The following PCSK5 variants were observed in gnomAD, a reference collection of about 807,000 sequenced individuals.
PCSK5 encodes the protein proprotein convertase subtilisin/kexin type 5.
In PCSK5, 129 loss-of-function variants were observed where a neutral mutation model predicts 233.2. That is an observed-to-expected ratio of 0.55 (90% CI 0.48 to 0.64). The LOEUF is 0.64. PCSK5 is among the 30% of genes least tolerant of loss of function. The probability of loss-of-function intolerance (pLI) is 0.00; values close to 1 mark genes in which losing one functional copy is unlikely to be tolerated. For missense variants in PCSK5, 2,076 were observed against 2,430.1 expected (o/e 0.85, Z 3.06); for synonymous variants, 825 against 879.2 (o/e 0.94, Z 1.09).
intron 24 of PCSK5, among the ~76,000 whole-genome samples, chr9:76,277,899 G>A (rs1048284877): frequency 2.0e-5 from 3 of 152,156 alleles, no homozygotes; most frequent in Non-Finnish European, 4.4e-5. Context: ...TTATCTTCGG[G>A]TGGACTGAAA....
At chr9:76,085,392 T>TA (rs1240224834) in intron 7 of PCSK5, among the ~76,000 whole-genome samples, 1 of 152,214 alleles carries the variant, frequency 6.6e-6, no homozygotes, top group Non-Finnish European at 1.5e-5. Context: ...GGAAACAAAT[T>TA]ATCAGCGCTT....
intron 2 of PCSK5, among the ~76,000 whole-genome samples, chr9:75,936,576 A>G (rs1413620075): frequency 6.6e-6 from 1 of 152,188 alleles, no homozygotes; most frequent in Non-Finnish European, 1.5e-5. Flanking sequence ...AGGTTTTATC[A>G]TGAGATTGCA....
At chr9:76,050,911 A>G (rs1366780520) in intron 5 of PCSK5, among the ~76,000 whole-genome samples, 2 of 152,160 alleles carry the variant, frequency 1.3e-5, no homozygotes, top group Non-Finnish European at 2.9e-5. Context: ...ACTGCCTCCC[A>G]AGTGACACCA....
chr9:76,218,388 C>T (rs1205141894), intron 20 of PCSK5, among the ~76,000 whole-genome samples: 2 of 152,118 alleles, frequency 1.3e-5, no homozygotes, highest in Admixed American at 6.5e-5. Flanking sequence ...CTCATTGCCA[C>T]CCACATATGC....
At chr9:76,177,804 C>G (rs1317309446) in intron 14 of PCSK5, among the ~76,000 whole-genome samples, 1 of 152,068 alleles carries the variant, frequency 6.6e-6, no homozygotes, top group Non-Finnish European at 1.5e-5. Context: ...GTGAGAGAAC[C>G]AAGACTATTA....
intron 9 of PCSK5, among the ~76,000 whole-genome samples, chr9:76,113,284 G>C (rs1334893939): frequency 1.3e-5 from 2 of 152,170 alleles, no homozygotes; most frequent in Non-Finnish European, 2.9e-5. Flanking sequence ...CAAAGTGTGA[G>C]AAGTTAAAGG....
chr9:75,891,469 G>C (rs536308895), intron 1 of PCSK5, 96 bp downstream of exon 1: 1 of 1,014,974 alleles, frequency 9.9e-7, no homozygotes, highest in South Asian at 1.6e-5. Flanking sequence ...TTCCAGATGT[G>C]CTCTAGCAGC....
chr9:76,274,533 T>C (rs991816007), intron 24 of PCSK5, among the ~76,000 whole-genome samples: 2 of 150,984 alleles, frequency 1.3e-5, no homozygotes, highest in Non-Finnish European at 2.9e-5. Flanking sequence ...AAGGCCTGGG[T>C]TAAGATTATA....
chr9:75,991,660 GGTC>G (rs1052945968), intron 3 of PCSK5, among the ~76,000 whole-genome samples: 15 of 152,122 alleles, frequency 9.9e-5, no homozygotes, highest in African/African-American at 3.4e-4. Context: ...TGATAGGAAA[GGTC>G]GTGAGGATTT....
chr9:76,150,300 T>C (rs1017524335), intron 10 of PCSK5, among the ~76,000 whole-genome samples: 2 of 152,142 alleles, frequency 1.3e-5, no homozygotes, highest in African/African-American at 2.4e-5. Flanking sequence ...GGAGTTGTTA[T>C]GAGAGCCTGA....
intron 24 of PCSK5, among the ~76,000 whole-genome samples, chr9:76,273,753 C>A (rs1043618446): frequency 6.6e-6 from 1 of 151,118 alleles, no homozygotes. Flanking sequence ...TTGCCTCAGT[C>A]CCCCAAGTAG....
intron 2 of PCSK5, among the ~76,000 whole-genome samples, chr9:75,976,277 CA>C (rs1826010827): frequency 7.7e-4 from 5 of 6,526 alleles, no homozygotes; most frequent in Non-Finnish European, 2.7e-3. Flanking sequence ...ACAGACACCA[CA>C]CACACACACA....
At chr9:76,351,544 A>AGAAAGGAAGGAAG (rs1830160518) in intron 36 of PCSK5, among the ~76,000 whole-genome samples, 1 of 129,150 alleles carries the variant, frequency 7.7e-6, no homozygotes, top group Non-Finnish European at 1.7e-5. Context: ...AAGGAAAGAA[A>AGAAAGGAAGGAAG]GAGAAAGAAG....
At chr9:76,057,226 G>A (rs191748879) in intron 5 of PCSK5, among the ~76,000 whole-genome samples, 15 of 152,172 alleles carry the variant, frequency 9.9e-5, no homozygotes, top group Admixed American at 2.0e-4. Context: ...CATACCTCTT[G>A]CTGACCACCC....
At chr9:76,026,137 G>A (rs1023293832) in intron 4 of PCSK5, among the ~76,000 whole-genome samples, 6 of 151,676 alleles carry the variant, frequency 4.0e-5, no homozygotes, top group Non-Finnish European at 7.4e-5. Context: ...AAAATTGAAA[G>A]CATATTAAAT....
chr9:76,011,104 G>A (rs1223185890), intron 3 of PCSK5, among the ~76,000 whole-genome samples: 1 of 152,304 alleles, frequency 6.6e-6, no homozygotes, highest in South Asian at 2.1e-4. Flanking sequence ...GAAAGGATTC[G>A]ACATTTTTTA....
chr9:76,015,765 T>G (rs1287602665), intron 3 of PCSK5, among the ~76,000 whole-genome samples: 2 of 152,186 alleles, frequency 1.3e-5, no homozygotes, highest in Non-Finnish European at 2.9e-5. Flanking sequence ...GATGCACGGA[T>G]TTTCTCCTGC....
intron 2 of PCSK5, among the ~76,000 whole-genome samples, chr9:75,946,468 T>C (rs996609462): frequency 6.6e-6 from 1 of 152,228 alleles, no homozygotes; most frequent in Admixed American, 6.5e-5. Context: ...TTAATTACCA[T>C]CTTGAATCAG....
At chr9:76,355,017 T>C (rs958881065) in intron 37 of PCSK5, among the ~76,000 whole-genome samples, 1 of 152,194 alleles carries the variant, frequency 6.6e-6, no homozygotes, top group Non-Finnish European at 1.5e-5. Flanking sequence ...CAGAGACTTA[T>C]GACATTTTAG....
Sources: gnomAD v4.1 joint callset for allele counts (sites outside exome capture counted in the v4.1 genomes callset) on GRCh38, gnomAD v4.1.1 for gene constraint, MANE v1.5 for transcripts, NCBI Gene and HGNC (gene_info 2026-07-23, HGNC 2026-07-21) for gene names.